NRXN3: variants seen among roughly 807,000 people sequenced by gnomAD.
NRXN3 encodes the protein neurexin III.
In NRXN3, 32 loss-of-function variants were observed where a neutral mutation model predicts 137.6. That is an observed-to-expected ratio of 0.23 (90% CI 0.18 to 0.31). The LOEUF is 0.31. NRXN3 is among the 10% of genes least tolerant of loss of function. The pLI is 1.00. For missense variants in NRXN3, 1,574 were observed against 2,062.5 expected (o/e 0.76, Z 4.59); for synonymous variants, 798 against 784.5 (o/e 1.02, Z -0.29).
chr14:79,667,925 C>G (rs2098575880), intron 17 of NRXN3, among the ~76,000 whole-genome samples: 1 of 152,012 alleles, frequency 6.6e-6, no homozygotes, highest in South Asian at 2.1e-4. Flanking sequence ...GCCGGTGATA[C>G]TGTCACTGCT....
intron 20 of NRXN3, among the ~76,000 whole-genome samples, chr14:79,833,833 A>G (rs1487106147): frequency 6.6e-6 from 1 of 152,188 alleles, no homozygotes; most frequent in Non-Finnish European, 1.5e-5. Context: ...GCTAAATTGA[A>G]TAATTATGCA....
chr14:78,279,762 T>C (rs2074138841), intron 3 of NRXN3: 1 of 152,202 alleles, frequency 6.6e-6, no homozygotes, highest in Non-Finnish European at 1.5e-5. Context: ...AATGAGACTA[T>C]TGATTATTTG....
chr14:78,310,191 A>G (rs908749143), intron 4 of NRXN3, among the ~76,000 whole-genome samples: 1 of 151,836 alleles, frequency 6.6e-6, no homozygotes, highest in Non-Finnish European at 1.5e-5. Flanking sequence ...GAGCAGGTCA[A>G]CAGTCATCAT....
At chr14:79,191,395 T>G (rs970526551) in intron 15 of NRXN3, among the ~76,000 whole-genome samples, 19 of 152,256 alleles carry the variant, frequency 1.2e-4, no homozygotes, top group Admixed American at 1.2e-3. Flanking sequence ...GAGGCATCCT[T>G]TTGAAGGTGA....
chr14:78,663,157 C>T (rs2097854603), intron 6 of NRXN3, among the ~76,000 whole-genome samples: 1 of 152,212 alleles, frequency 6.6e-6, no homozygotes, highest in South Asian at 2.1e-4. Flanking sequence ...ATACTGTCAA[C>T]ATCCTGATTT....
chr14:79,698,484 T>A (rs1373342284), intron 19 of NRXN3, among the ~76,000 whole-genome samples: 2 of 152,036 alleles, frequency 1.3e-5, no homozygotes, highest in Non-Finnish European at 1.5e-5. Context: ...GTGTCAGGTT[T>A]GTGCCCATTT....
At chr14:79,673,680 A>G (rs2098624471) in intron 17 of NRXN3, among the ~76,000 whole-genome samples, 1 of 152,096 alleles carries the variant, frequency 6.6e-6, no homozygotes, top group Non-Finnish European at 1.5e-5. Context: ...TCTACTTTAT[A>G]TGTGAATTCA....
intron 19 of NRXN3, among the ~76,000 whole-genome samples, chr14:79,717,133 A>T (rs1567992662): frequency 6.6e-6 from 1 of 152,122 alleles, no homozygotes; most frequent in African/African-American, 2.4e-5. Context: ...AGTGAATGCT[A>T]ATGGGGTCTT....
intron 1 of NRXN3, among the ~76,000 whole-genome samples, chr14:78,237,701 A>T (rs566724969): frequency 6.6e-6 from 1 of 152,212 alleles, no homozygotes; most frequent in Non-Finnish European, 1.5e-5. Flanking sequence ...AAACTGGATC[A>T]TATGATTTGG....
rs567373716 is a variant in NRXN3 at position 79,544,791 on chromosome 14, G to C, written c.3444+77389G>C. Among the ~76,000 whole-genome samples the C allele has an allele frequency of 2.0e-5, 3 of 152,262 alleles. No individual in the cohort carries two copies. The East Asian group carries it at 5.8e-4, about 29-fold the overall frequency. ...CATCACCTGGCAACTTGTTACAAAC[G>C]CATATTGTTGATTCTCATTCCACAA... is the stretch of plus-strand genomic sequence containing the variant. On this transcript the variant is annotated intron_variant, in intron 16 of 20. Transcript: ENST00000335750.
chr14:79,636,222 T>C (rs532157546), intron 16 of NRXN3, among the ~76,000 whole-genome samples: 1 of 152,276 alleles, frequency 6.6e-6, no homozygotes, highest in Non-Finnish European at 1.5e-5. Flanking sequence ...CTTCAACATA[T>C]CTTTTTGGAG....
At chr14:78,832,039 T>C (rs2098983957) in intron 10 of NRXN3, among the ~76,000 whole-genome samples, 1 of 152,026 alleles carries the variant, frequency 6.6e-6, no homozygotes, top group African/African-American at 2.4e-5. Flanking sequence ...TAAAAGTGCC[T>C]AGATCAAAGG....
chr14:79,089,367 T>G (rs1285901462), intron 15 of NRXN3, among the ~76,000 whole-genome samples: 2 of 151,990 alleles, frequency 1.3e-5, no homozygotes, highest in Non-Finnish European at 2.9e-5. Context: ...GTTGTTTGCT[T>G]TGAGCTTCCA....
chr14:78,629,178 T>C (rs1378519019), intron 4 of NRXN3, among the ~76,000 whole-genome samples: 1 of 152,226 alleles, frequency 6.6e-6, no homozygotes, highest in Non-Finnish European at 1.5e-5. Context: ...GAAACAGTGA[T>C]AATGATGCTT....
Position 78,243,042 on chromosome 14 carries a change from C to A in NRXN3, c.-52C>A. 7.5e-7 allele frequency: 1 copy of A among 1,328,208 alleles called. No individual in the cohort carries two copies. Among genetic ancestry groups the A allele is most frequent in the East Asian group, 2.5e-5 (1 of 39,710 alleles). 82.3% of individuals were successfully genotyped at this position (1,328,208 alleles called of 1,614,324 possible). On this transcript the variant is annotated 5_prime_UTR_variant, in exon 2 of 21. Coordinates refer to ENST00000335750, the MANE Select transcript of NRXN3 (RefSeq NM_001330195.2). This position sits in a 1 kb window ranked among gnomAD's most constrained non-coding sequence, Gnocchi z 4.2. ...TATTGCCAAAGGGAGAGATCCTCTCCGGGCTGTTCCCTGGCCTGTCTGCTC... is the reference window on the plus strand; with the variant it reads ...TATTGCCAAAGGGAGAGATCCTCTCAGGGCTGTTCCCTGGCCTGTCTGCTC...
chr14:79,171,824 T>C (rs113435665), intron 15 of NRXN3, among the ~76,000 whole-genome samples: 1,663 of 152,020 alleles, frequency 0.011, 28 homozygotes, highest in African/African-American at 0.037. Flanking sequence ...TATTTGTTTT[T>C]TTTTTCTTTC....
At chr14:79,744,469 C>G (rs2098972924) in intron 19 of NRXN3, among the ~76,000 whole-genome samples, 1 of 152,192 alleles carries the variant, frequency 6.6e-6, no homozygotes, top group South Asian at 2.1e-4. Context: ...CCACTGACAT[C>G]TAAAGTAGTG....
intron 4 of NRXN3, among the ~76,000 whole-genome samples, chr14:78,518,792 A>C (rs1432264659): frequency 6.6e-6 from 1 of 152,084 alleles, no homozygotes; most frequent in Non-Finnish European, 1.5e-5. Flanking sequence ...GGTGGGGGTA[A>C]TCCTCAAGTT....
intron 15 of NRXN3, among the ~76,000 whole-genome samples, chr14:79,067,662 C>A (rs1170266562): frequency 2.0e-5 from 3 of 151,940 alleles, no homozygotes; most frequent in African/African-American, 7.2e-5. Context: ...TTCAGGGATT[C>A]AGTATTTTTC....
Sources: allele counts gnomAD v4.1 joint callset (sites outside exome capture counted in the v4.1 genomes callset), GRCh38; gene constraint gnomAD v4.1.1; non-coding constraint Gnocchi (gnomAD v3.1); transcripts MANE v1.5; gene names NCBI Gene and HGNC (gene_info 2026-07-23, HGNC 2026-07-21).